The following CADPS2 variants were observed in gnomAD, a reference collection of about 807,000 sequenced individuals.
The protein encoded by CADPS2 is calcium dependent secretion activator 2, also known as calcium-dependent secretion activator 2.
CADPS2 carries 93 observed loss-of-function variants against 172.5 expected under a neutral mutation model. The observed-to-expected ratio is 0.54, with a 90% confidence interval of 0.46 to 0.64. The LOEUF is 0.64. Among genes scored for constraint, CADPS2 ranks in the 30% least tolerant of loss-of-function variants. The pLI is 0.00. For missense variants in CADPS2, 1,420 were observed against 1,565.9 expected, an observed-to-expected ratio of 0.91 and a Z score of 1.57; for synonymous variants, 546 against 555.2, an observed-to-expected ratio of 0.98 and a Z score of 0.23.
chr7:122,539,748 T>TCTCTCTCTCTCTCC (rs1563639521), intron 8 of CADPS2, among the ~76,000 whole-genome samples: 1 of 115,782 alleles, frequency 8.6e-6, no homozygotes, highest in African/African-American at 3.6e-5. Context: ...TCCCTCTCTC[T>TCTCTCTCTCTCTCC]CTGTCTCTCT....
At chr7:122,597,562 G>C (rs764452487) in intron 6 of CADPS2, among the ~76,000 whole-genome samples, 2 of 152,064 alleles carry the variant, frequency 1.3e-5, no homozygotes, top group African/African-American at 2.4e-5. Context: ...AACACCACAT[G>C]ACTGCTTAAG....
At chr7:122,587,711 G>GT (rs2069985674) in intron 6 of CADPS2, among the ~76,000 whole-genome samples, 1 of 152,026 alleles carries the variant, frequency 6.6e-6, no homozygotes, top group Non-Finnish European at 1.5e-5. Flanking sequence ...ATGTATCTTT[G>GT]TAACAGAATA....
chr7:122,838,225 A>G (rs560325671), intron 1 of CADPS2, among the ~76,000 whole-genome samples: 1 of 152,338 alleles, frequency 6.6e-6, no homozygotes, highest in East Asian at 1.9e-4. Context: ...GACAAAATTC[A>G]ACAGCCCTTC....
intron 27 of CADPS2, among the ~76,000 whole-genome samples, chr7:122,358,476 AT>A (rs1367964072): frequency 1.1e-4 from 16 of 151,834 alleles, no homozygotes; most frequent in Admixed American, 3.9e-4. Flanking sequence ...CAATTTATCA[AT>A]TTTTTTTCTT....
At chr7:122,410,725 ATG>A (rs3069344) in intron 19 of CADPS2, among the ~76,000 whole-genome samples, 42,925 of 152,008 alleles carry the variant, frequency 0.28, 6,387 homozygotes, top group East Asian at 0.38. Flanking sequence ...AATTACAAAT[ATG>A]TGTTGACTAC....
intron 6 of CADPS2, among the ~76,000 whole-genome samples, chr7:122,610,897 C>T (rs910999879): frequency 2.0e-5 from 3 of 152,092 alleles, no homozygotes; most frequent in Non-Finnish European, 2.9e-5. Context: ...TCAATTCTCT[C>T]GGCCACTGGA....
At chr7:122,827,240 A>G (rs1805165685) in intron 1 of CADPS2, among the ~76,000 whole-genome samples, 2 of 152,220 alleles carry the variant, frequency 1.3e-5, no homozygotes, top group South Asian at 4.1e-4. Flanking sequence ...AAAAATGATC[A>G]TTTCAATAGC....
chr7:122,407,105 C>G (rs1381793778), intron 20 of CADPS2, among the ~76,000 whole-genome samples: 2 of 152,166 alleles, frequency 1.3e-5, no homozygotes, highest in Non-Finnish European at 2.9e-5. Flanking sequence ...TACAAATGAA[C>G]CAACTCTCAG....
intron 28 of CADPS2, among the ~76,000 whole-genome samples, 159 bp downstream of exon 28, chr7:122,345,415 G>C (rs1453255831): frequency 6.6e-6 from 1 of 152,154 alleles, no homozygotes; most frequent in Non-Finnish European, 1.5e-5. Context: ...TGGGATTACA[G>C]GCATGAGCCA....
chr7:122,829,581 G>A (rs922952612), intron 1 of CADPS2, among the ~76,000 whole-genome samples: 4 of 152,010 alleles, frequency 2.6e-5, no homozygotes, highest in African/African-American at 4.8e-5. Context: ...AAAATATATC[G>A]TGAAAAATGC....
intron 7 of CADPS2, among the ~76,000 whole-genome samples, chr7:122,566,982 G>T (rs1407379516): frequency 6.6e-6 from 1 of 152,118 alleles, no homozygotes; most frequent in Non-Finnish European, 1.5e-5. Context: ...CAATACAGTA[G>T]ATGCCACTAT....
intron 13 of CADPS2, among the ~76,000 whole-genome samples, chr7:122,472,717 T>C (rs921799038): frequency 2.6e-5 from 4 of 152,170 alleles, no homozygotes; most frequent in Admixed American, 6.5e-5. Context: ...TGTTTGTCCA[T>C]GAAAAGATAG....
intron 25 of CADPS2, among the ~76,000 whole-genome samples, chr7:122,368,653 T>C (rs2041301972): frequency 6.6e-6 from 1 of 152,218 alleles, no homozygotes; most frequent in Non-Finnish European, 1.5e-5. Flanking sequence ...GAGACATTAA[T>C]ATATTTTATA....
At chr7:122,855,397 C>T (rs1195502418) in intron 1 of CADPS2, among the ~76,000 whole-genome samples, 2 of 152,162 alleles carry the variant, frequency 1.3e-5, no homozygotes, top group African/African-American at 4.8e-5. Flanking sequence ...TATTGTCATA[C>T]TTCTAATAAT....
chr7:122,611,038 T>A (rs1327706135), intron 6 of CADPS2, among the ~76,000 whole-genome samples: 1 of 152,168 alleles, frequency 6.6e-6, no homozygotes, highest in Non-Finnish European at 1.5e-5. Context: ...AGAGAGATCA[T>A]ATCATTACTT....
intron 3 of CADPS2, among the ~76,000 whole-genome samples, chr7:122,655,564 C>A (rs530139023): frequency 6.6e-6 from 1 of 152,008 alleles, no homozygotes; most frequent in South Asian, 2.1e-4. Context: ...CCCTAATAGA[C>A]CACAGTACAG....
Position 122,415,203 on chromosome 7 carries a change from G to T in CADPS2, c.2580+858C>A, listed in dbSNP as rs569564833. 1.3e-4 allele frequency among the ~76,000 whole-genome samples: 20 copies of T among 152,286 alleles called. No individual in the cohort carries two copies. The East Asian group carries it at 3.1e-3, about 23-fold the overall frequency. On this transcript the variant is annotated intron_variant, in intron 18 of 29. Coordinates refer to ENST00000449022, the MANE Select transcript of CADPS2 (RefSeq NM_017954.11). ...AAGTGAAAAGTTCAATGTTGAGAGC[G>T]AAAGCCTAGAGTTATCAACCATACG...
At chr7:122,817,899 C>A (rs1306231000) in intron 1 of CADPS2, among the ~76,000 whole-genome samples, 5 of 150,048 alleles carry the variant, frequency 3.3e-5, no homozygotes, top group African/African-American at 1.2e-4. Flanking sequence ...AATCCCTTAT[C>A]TCTGTGCCCC....
At chr7:122,698,481 T>C (rs377007290) in intron 2 of CADPS2, 12 of 1,613,796 alleles carry the variant, frequency 7.4e-6, no homozygotes, top group South Asian at 3.3e-5. Context: ...CATCTTCAAA[T>C]GCCTGATGAA....
Sources: gnomAD v4.1 joint callset for allele counts (sites outside exome capture counted in the v4.1 genomes callset) on GRCh38, gnomAD v4.1.1 for gene constraint, MANE v1.5 for transcripts, NCBI Gene and HGNC (gene_info 2026-07-23, HGNC 2026-07-21) for gene names.